Variants in DAB1 observed in about 807,000 individuals in gnomAD.
DAB1 encodes disabled homolog 1.
In DAB1, 15 loss-of-function variants were observed where a neutral mutation model predicts 64.6. The observed-to-expected ratio is 0.23, with a 90% CI of 0.16 to 0.36. The LOEUF (loss-of-function observed/expected upper bound fraction) is 0.36. Among genes scored for constraint, DAB1 ranks in the 10% least tolerant of loss-of-function variants. The pLI is 1.00. For synonymous variants in DAB1, 235 were observed against 251.9 expected (o/e 0.93, Z 0.64); for missense variants, 596 against 706.7 (o/e 0.84, Z 1.78).
intron 7 of DAB1, among the ~76,000 whole-genome samples, chr1:57,474,640 G>A (rs780508325): frequency 1.3e-5 from 2 of 152,164 alleles, no homozygotes; most frequent in Non-Finnish European, 2.9e-5. Flanking sequence ...TGGGATTAAA[G>A]TGTCAATATT....
chr1:57,399,927 T>C (rs559783012), intron 1 of DAB1, among the ~76,000 whole-genome samples: 11 of 152,340 alleles, frequency 7.2e-5, no homozygotes, highest in African/African-American at 2.6e-4. Context: ...ATAATTGCTC[T>C]ATATGGGTAC....
At chr1:57,193,377 A>ATTTTT (rs1491334278) in intron 2 of DAB1, among the ~76,000 whole-genome samples, 1 of 81,808 alleles carries the variant, frequency 1.2e-5, no homozygotes, top group African/African-American at 5.5e-5. Context: ...CATCCGTAGC[A>ATTTTT]TATGTTTTTT....
At chr1:58,111,663 A>G (rs1340118665) in intron 5 of DAB1, among the ~76,000 whole-genome samples, 1 of 152,080 alleles carries the variant, frequency 6.6e-6, no homozygotes, top group Non-Finnish European at 1.5e-5. Flanking sequence ...CTGTTCTCAT[A>G]TCACTGCGCC....
chr1:57,270,205 T>C, intron 2 of DAB1, among the ~76,000 whole-genome samples: 1 of 152,220 alleles, frequency 6.6e-6, no homozygotes, highest in East Asian at 1.9e-4. Context: ...CTACTAATAG[T>C]GATGGCATCA....
intron 6 of DAB1, among the ~76,000 whole-genome samples, chr1:57,798,336 T>G (rs929176550): frequency 6.6e-6 from 1 of 152,168 alleles, no homozygotes; most frequent in African/African-American, 2.4e-5. Flanking sequence ...GTACGTAAGT[T>G]CTGGTCTATG....
chr1:57,804,709 C>G (rs1321807525), intron 6 of DAB1, among the ~76,000 whole-genome samples: 1 of 152,176 alleles, frequency 6.6e-6, no homozygotes, highest in Non-Finnish European at 1.5e-5. Flanking sequence ...CACTGCTGAC[C>G]TACCCAGAGG....
At chr1:57,569,990 T>C (rs1205838769) in intron 7 of DAB1, among the ~76,000 whole-genome samples, 1 of 152,144 alleles carries the variant, frequency 6.6e-6, no homozygotes, top group Non-Finnish European at 1.5e-5. Flanking sequence ...GGGTTCAAGT[T>C]GACAAGGGGT....
chr1:58,252,724 G>A (rs1660832852), intron 4 of DAB1, among the ~76,000 whole-genome samples: 1 of 152,146 alleles, frequency 6.6e-6, no homozygotes, highest in Non-Finnish European at 1.5e-5. Context: ...CCAGACAGGT[G>A]AAGTAGCAGA....
At chr1:57,932,021 C>G (rs543892349) in intron 5 of DAB1, among the ~76,000 whole-genome samples, 27 of 152,200 alleles carry the variant, frequency 1.8e-4, no homozygotes, top group African/African-American at 6.0e-4. Context: ...TTCACCGCAA[C>G]CCACAAATTT....
At chr1:58,001,339 C>G (rs886576642) in intron 5 of DAB1, among the ~76,000 whole-genome samples, 1 of 152,166 alleles carries the variant, frequency 6.6e-6, no homozygotes, top group Non-Finnish European at 1.5e-5. Flanking sequence ...TCTCAGCTCA[C>G]TGTAATCTCC....
chr1:57,350,401 C>G (rs987532340), intron 1 of DAB1, among the ~76,000 whole-genome samples: 1 of 152,138 alleles, frequency 6.6e-6, no homozygotes, highest in African/African-American at 2.4e-5. Context: ...ATTGACCACC[C>G]TAGTAGGTTC....
chr1:57,660,987 G>A (rs936056685), intron 6 of DAB1, among the ~76,000 whole-genome samples: 1 of 152,150 alleles, frequency 6.6e-6, no homozygotes, highest in Non-Finnish European at 1.5e-5. Flanking sequence ...GCAATGATGT[G>A]AAACCTTGAA....
At chr1:57,717,637 T>C (rs1335930745) in intron 6 of DAB1, among the ~76,000 whole-genome samples, 1 of 152,188 alleles carries the variant, frequency 6.6e-6, no homozygotes, top group Non-Finnish European at 1.5e-5. Flanking sequence ...ATTACAGTGT[T>C]ACTCACAATA....
chr1:57,553,458 A>AAGAAAGAGAGAG (rs1458260279), intron 7 of DAB1, among the ~76,000 whole-genome samples: 4 of 132,138 alleles, frequency 3.0e-5, no homozygotes, highest in Non-Finnish European at 4.8e-5. Flanking sequence ...GAAAGAAAGA[A>AAGAAAGAGAGAG]AGAGAAAGGG....
At chr1:57,117,923 CACA>C (rs1409971354) in intron 4 of DAB1, among the ~76,000 whole-genome samples, 19 of 152,302 alleles carry the variant, frequency 1.2e-4, no homozygotes, top group African/African-American at 4.3e-4. Flanking sequence ...GTTGCCTCAA[CACA>C]ACACTCTGTG....
At chr1:57,340,713 T>C (rs921823183) in intron 1 of DAB1, among the ~76,000 whole-genome samples, 3 of 152,198 alleles carry the variant, frequency 2.0e-5, no homozygotes, top group Admixed American at 1.3e-4. Flanking sequence ...ACACACTGTG[T>C]CATTTATTGC....
At chr1:58,189,534 G>A (rs535472180) in intron 4 of DAB1, among the ~76,000 whole-genome samples, 2 of 152,300 alleles carry the variant, frequency 1.3e-5, no homozygotes, top group African/African-American at 4.8e-5. Flanking sequence ...TGCCACTCAA[G>A]ATGCACTTAG....
chr1:57,068,819 A>G (rs536622031), intron 8 of DAB1, among the ~76,000 whole-genome samples: 6 of 152,270 alleles, frequency 3.9e-5, no homozygotes, highest in Admixed American at 3.9e-4. Context: ...ATAAAAACAG[A>G]ATTAAAATAT....
intron 9 of DAB1, among the ~76,000 whole-genome samples, chr1:57,046,870 G>A (rs1442213227): frequency 6.6e-6 from 1 of 152,208 alleles, no homozygotes; most frequent in Admixed American, 6.5e-5. Context: ...AAGGATAGAA[G>A]CTTCTTGCCT....
Sources: gnomAD v4.1 joint callset for allele counts (sites outside exome capture counted in the v4.1 genomes callset) on GRCh38, gnomAD v4.1.1 for gene constraint, MANE v1.5 for transcripts, NCBI Gene and HGNC (gene_info 2026-07-23, HGNC 2026-07-21) for gene names.